LRP1B: variants seen among roughly 807,000 people sequenced by gnomAD.
LRP1B encodes the protein LDL receptor related protein 1B.
In LRP1B, 217 loss-of-function variants were observed where a neutral mutation model predicts 556.6. That is an observed-to-expected ratio of 0.39 (90% CI 0.35 to 0.44). The LOEUF (loss-of-function observed/expected upper bound fraction) is 0.44. Among genes scored for constraint, LRP1B ranks in the 20% least tolerant of loss-of-function variants. The pLI is 1.00. For missense variants in LRP1B, 5,053 were observed against 5,620.8 expected (o/e 0.90, Z 3.23); for synonymous variants, 2,047 against 1,865.8 (o/e 1.10, Z -2.50).
intron 1 of LRP1B, among the ~76,000 whole-genome samples, chr2:141,920,647 T>C (rs1034011564): frequency 3.3e-5 from 5 of 152,040 alleles, no homozygotes; most frequent in African/African-American, 1.2e-4. Flanking sequence ...TTTTAGAATA[T>C]AGGCTCTTTA....
At chr2:140,323,614 T>G (rs546508734) in intron 81 of LRP1B, among the ~76,000 whole-genome samples, 327 of 151,808 alleles carry the variant, frequency 2.2e-3, no homozygotes, top group Admixed American at 3.8e-3. Flanking sequence ...AATAATAAAA[T>G]AAAAGAATTT....
At position 140,324,013 on chromosome 2, in the gene LRP1B, C is replaced by T. The variant is rs1680315315; in HGVS notation, c.12394G>A (p.Gly4132Arg). The T allele has an allele frequency of 6.2e-7, 1 of 1,610,162 alleles. No homozygotes were observed. Among genetic ancestry groups the T allele is most frequent in the African/African-American group, 1.3e-5 (1 of 74,748 alleles). The change falls in exon 81 of 91, where the codon GGA becomes AGA. Residue 4132 changes from glycine to arginine, a missense_variant. Physicochemically the swap from Gly to Arg is moderately radical, Grantham distance 125 (BLOSUM62 -2). This residue lies in a region of LRP1B where 551 missense variants were observed against 592.0 expected (regional missense o/e 0.93). Coordinates refer to ENST00000389484, the MANE Select transcript of LRP1B (RefSeq NM_018557.3). ...DIFEDYIYGAGPKNGVFRVQK... is the reference protein window; with the variant it reads ...DIFEDYIYGARPKNGVFRVQK... ...ACTCGAAATACACCATTTTTAGGTCCTGCTCCATATATATAATCTTCAAAG... is the reference window on the plus strand; with the variant it reads ...ACTCGAAATACACCATTTTTAGGTCTTGCTCCATATATATAATCTTCAAAG...
At chr2:140,277,327 T>G (rs1469719106) in intron 84 of LRP1B, among the ~76,000 whole-genome samples, 1 of 152,024 alleles carries the variant, frequency 6.6e-6, no homozygotes, top group East Asian at 1.9e-4. Context: ...AGCTCACACC[T>G]GTAATTCCAG....
intron 7 of LRP1B, among the ~76,000 whole-genome samples, chr2:141,151,489 T>A (rs1011787244): frequency 2.0e-5 from 3 of 152,190 alleles, no homozygotes; most frequent in Non-Finnish European, 4.4e-5. Flanking sequence ...ACTACATCTA[T>A]AATATAGTAG....
chr2:140,703,829 T>C (rs2105434243), intron 37 of LRP1B, among the ~76,000 whole-genome samples: 1 of 152,290 alleles, frequency 6.6e-6, no homozygotes, highest in East Asian at 1.9e-4. Flanking sequence ...CCAGCCATGT[T>C]GCTGCAAAAG....
At chr2:140,448,738 TAAGAG>T (rs1462084973) in intron 63 of LRP1B, among the ~76,000 whole-genome samples, 4 of 152,216 alleles carry the variant, frequency 2.6e-5, no homozygotes. Context: ...TGAAAATTGC[TAAGAG>T]AATAGATTTT....
chr2:140,837,075 T>C (rs1361111650), intron 31 of LRP1B, among the ~76,000 whole-genome samples: 2 of 152,220 alleles, frequency 1.3e-5, no homozygotes, highest in East Asian at 1.9e-4. Flanking sequence ...AATCATATGA[T>C]TTGAATTCCA....
At chr2:141,892,221 T>C (rs935134788) in intron 1 of LRP1B, among the ~76,000 whole-genome samples, 2 of 151,942 alleles carry the variant, frequency 1.3e-5, no homozygotes, top group African/African-American at 4.8e-5. Context: ...AAAAAAAATA[T>C]AGACTCACCA....
At chr2:141,840,082 T>C (rs1458604783) in intron 1 of LRP1B, among the ~76,000 whole-genome samples, 1 of 152,122 alleles carries the variant, frequency 6.6e-6, no homozygotes, top group Non-Finnish European at 1.5e-5. Flanking sequence ...AAGATTTTTA[T>C]TTAATGAGTG....
chr2:141,912,319 T>C (rs966430005), intron 1 of LRP1B, among the ~76,000 whole-genome samples: 3 of 152,198 alleles, frequency 2.0e-5, no homozygotes, highest in African/African-American at 4.8e-5. Flanking sequence ...CCAAAGTAGA[T>C]ACTAATATCT....
At chr2:141,348,456 T>C (rs1044861585) in intron 3 of LRP1B, among the ~76,000 whole-genome samples, 1 of 151,966 alleles carries the variant, frequency 6.6e-6, no homozygotes, top group Admixed American at 6.6e-5. Flanking sequence ...TTAATAGGTA[T>C]TAATCAACAT....
At chr2:140,492,514 C>T (rs2104862347) in intron 57 of LRP1B, 94 bp downstream of exon 57, 1 of 755,604 alleles carries the variant, frequency 1.3e-6, no homozygotes, top group Non-Finnish European at 2.2e-6. Flanking sequence ...TAAAAATATG[C>T]TTCACAAACT....
Position 140,234,074 on chromosome 2 carries a change from TG to T in LRP1B, c.13659+711del, listed in dbSNP as rs1316816526. Among the ~76,000 whole-genome samples, 8 of 151,424 alleles carry T rather than the reference TG, an allele frequency of 5.3e-5. No individual in the cohort carries two copies. In the East Asian group the frequency reaches 5.9e-4, roughly 11 times the overall value. The stretch of plus-strand genomic sequence containing the variant: ...CCTAGTGTTTGTTTTCCTTATTTTT[TG>T]TTTCGTCTTTCCAAAAACAGTACAT... On this transcript the variant is annotated intron_variant, in intron 90 of 90. Coordinates refer to ENST00000389484, the MANE Select transcript of LRP1B (RefSeq NM_018557.3).
intron 3 of LRP1B, among the ~76,000 whole-genome samples, chr2:141,403,395 C>CA (rs1690516697): frequency 6.6e-6 from 1 of 152,058 alleles, no homozygotes; most frequent in African/African-American, 2.4e-5. Context: ...TTTAAGTTTA[C>CA]AAAAAACTCA....
intron 3 of LRP1B, among the ~76,000 whole-genome samples, chr2:141,356,542 A>T (rs911058928): frequency 1.3e-5 from 2 of 152,040 alleles, no homozygotes; most frequent in African/African-American, 2.4e-5. Flanking sequence ...TATGATCTCC[A>T]AGTATGATTC....
At chr2:141,422,297 T>A (rs1255714021) in intron 3 of LRP1B, among the ~76,000 whole-genome samples, 3 of 152,176 alleles carry the variant, frequency 2.0e-5, no homozygotes, top group Non-Finnish European at 4.4e-5. Flanking sequence ...ATGGTTGAAT[T>A]TCAGAAAAAT....
chr2:140,421,993 T>C (rs1391536828), intron 66 of LRP1B, among the ~76,000 whole-genome samples: 4 of 152,200 alleles, frequency 2.6e-5, no homozygotes, highest in East Asian at 1.9e-4. Flanking sequence ...AAAGCCTTCT[T>C]ACAGGTCAAG....
intron 87 of LRP1B, among the ~76,000 whole-genome samples, chr2:140,241,515 G>C (rs1319651494): frequency 1.3e-5 from 2 of 150,722 alleles, no homozygotes; most frequent in Non-Finnish European, 3.0e-5. Context: ...CTATGAGGTA[G>C]GAAGCTGTTA....
chr2:141,344,330 T>C (rs564285788), intron 3 of LRP1B, among the ~76,000 whole-genome samples: 179 of 152,342 alleles, frequency 1.2e-3, no homozygotes, highest in African/African-American at 4.1e-3. Context: ...GTTATCATTC[T>C]GAACTCATCT....
Sources: gnomAD v4.1 joint callset for allele counts (sites outside exome capture counted in the v4.1 genomes callset) on GRCh38, gnomAD v4.1.1 for gene constraint, gnomAD v4.1.1 regional missense constraint, MANE v1.5 for transcripts, NCBI Gene and HGNC (gene_info 2026-07-23, HGNC 2026-07-21) for gene names.